Variants in SLC22A16 observed in about 807,000 individuals in gnomAD.
SLC22A16 encodes the protein solute carrier family 22 member 16.
In SLC22A16, 53 loss-of-function variants were observed where a neutral mutation model predicts 52.9. The observed-to-expected ratio is 1.00, with a 90% CI of 0.80 to 1.26. The LOEUF is 1.26. Among genes scored for constraint, SLC22A16 ranks in the 50% most tolerant of loss-of-function variants. SLC22A16 has a pLI of 0.00. For missense variants in SLC22A16, 726 were observed against 704.0 expected, an observed-to-expected ratio of 1.03 and a Z score of -0.35; for synonymous variants, 291 against 268.8, an observed-to-expected ratio of 1.08 and a Z score of -0.81.
At position 110,458,797 on chromosome 6, in the gene SLC22A16, T is replaced by C. The variant is rs577501497; in HGVS notation, c.54-1780A>G. 3.3e-5 allele frequency among the ~76,000 whole-genome samples: 5 copies of C among 152,312 alleles called. No homozygotes were observed. In the South Asian group the frequency reaches 1.0e-3, roughly 32 times the overall value. On this transcript the variant is annotated intron_variant, in intron 1 of 7. Coordinates refer to ENST00000368919, the MANE Select transcript of SLC22A16 (RefSeq NM_033125.4). The stretch of plus-strand genomic sequence containing the variant: ...CTCTGCATGAGCTGGGACATCCATA[T>C]TCTCTGGTTCTCAAATATCAGAGCT...
intron 5 of SLC22A16, among the ~76,000 whole-genome samples, chr6:110,438,310 T>A (rs1774815447): frequency 6.6e-6 from 1 of 152,112 alleles, no homozygotes; most frequent in African/African-American, 2.4e-5. Context: ...GAATTAGGAT[T>A]ATGAACTTTT....
At chr6:110,426,919 C>T (rs1774279709) in intron 7 of SLC22A16, among the ~76,000 whole-genome samples, 1 of 151,486 alleles carries the variant, frequency 6.6e-6, no homozygotes, top group Admixed American at 6.6e-5. Flanking sequence ...CACTGAACTC[C>T]AGCCTGGGCA....
intron 1 of SLC22A16, among the ~76,000 whole-genome samples, chr6:110,460,164 C>G (rs900080595): frequency 6.6e-6 from 1 of 152,172 alleles, no homozygotes; most frequent in Admixed American, 6.5e-5. Flanking sequence ...GACCTGCCCA[C>G]CCCGCTGCAT....
intron 1 of SLC22A16, chr6:110,476,273 C>A: frequency 8.1e-7 from 1 of 1,234,658 alleles, no homozygotes. Context: ...CCCTCCTGCC[C>A]GGCAACAGGC....
rs190461723 is a variant in SLC22A16 at position 110,470,332 on chromosome 6, G to A, written c.53+6190C>T. Among the ~76,000 whole-genome samples the A allele has an allele frequency of 3.3e-5, 5 of 152,136 alleles. No individual in the cohort carries two copies. The East Asian group carries it at 5.8e-4, about 18-fold the overall frequency. On this transcript the variant is annotated intron_variant, in intron 1 of 7. Transcript: ENST00000368919. The stretch of plus-strand genomic sequence containing the variant: ...TCCCTGAAATTTCAACTCAGCAAAC[G>A]ACAACACAGCCCCTGCAAACAGCAG...
In SLC22A16 at chr6:110,456,997, A is replaced by T; in HGVS notation, c.74T>A (p.Phe25Tyr). The change falls in exon 2 of 8, where the codon TTC becomes TAC. Residue 25 changes from phenylalanine to tyrosine, a missense_variant. Phe to Tyr is a conservative substitution (Grantham distance 22). Coordinates refer to ENST00000368919, the MANE Select transcript of SLC22A16 (RefSeq NM_033125.4). Reference protein sequence around the residue: ...HFGRFQRVLYFICAFQNISCG... With the variant: ...HFGRFQRVLYYICAFQNISCG... The stretch of plus-strand genomic sequence containing the variant: ...AGAGATGTTCTGGAAGGCACATATG[A>T]AATAGAGGACTCTCTGGAATCTGCA... The T allele has an allele frequency of 6.5e-7, 1 of 1,543,676 alleles. No homozygotes were observed. The highest frequency in any genetic ancestry group is 2.3e-5 in the East Asian group (1 of 44,208).
At position 110,435,903 on chromosome 6, in the gene SLC22A16, G is replaced by A. The variant is rs1774706712; in HGVS notation, c.1370C>T (p.Ala457Val). Residue 457 changes from alanine to valine, a missense_variant, in exon 6 of 8, where the codon GCA becomes GTA. Transcript: ENST00000368919. ...TGTATAAAGATAAATGAGGCCAAAT[G>A]CTGCCCCGATGGCAAATTTTCCAAC... is the stretch of plus-strand genomic sequence containing the variant. ...AMVGKFAIGAAFGLIYLYTAE... is the reference protein window; with the variant it reads ...AMVGKFAIGAVFGLIYLYTAE... 1 of 1,613,994 alleles carries A rather than the reference G, an allele frequency of 6.2e-7. No individual in the cohort carries two copies. Among genetic ancestry groups the A allele is most frequent in the African/African-American group, 1.3e-5 (1 of 75,042 alleles).
At chr6:110,429,897 G>A (rs1408125762) in intron 7 of SLC22A16, among the ~76,000 whole-genome samples, 1 of 152,106 alleles carries the variant, frequency 6.6e-6, no homozygotes, top group Non-Finnish European at 1.5e-5. Context: ...TGGCATGGAA[G>A]GGGAGGAGGT....
intron 1 of SLC22A16, among the ~76,000 whole-genome samples, chr6:110,459,400 CT>C (rs1405954253): frequency 6.6e-6 from 1 of 152,152 alleles, no homozygotes; most frequent in Non-Finnish European, 1.5e-5. Context: ...CACTTCATCT[CT>C]GTTGTTGTCT....
At position 110,476,317 on chromosome 6, in the gene SLC22A16, A is replaced by G. The variant is rs1353121461; in HGVS notation, c.53+205T>C. The G allele has an allele frequency of 2.9e-6, 4 of 1,371,306 alleles. No individual in the cohort carries two copies. The African/African-American group carries it at 4.5e-5, about 15-fold the overall frequency. 84.9% of individuals were successfully genotyped at this position (1,371,306 alleles called of 1,614,324 possible). A position where few individuals can be genotyped will look rare whatever the true frequency, so the allele number is the denominator to read the frequency against. ...AGCGAGCCCAGCGCCTCTGCTCACC[A>G]TGCCAGGTCCCGCTGCCAGAGGCCT... On this transcript the variant is annotated intron_variant, in intron 1 of 7. Transcript: ENST00000368919.
At chr6:110,445,314 T>A (rs1319996250) in intron 3 of SLC22A16, among the ~76,000 whole-genome samples, 1 of 152,060 alleles carries the variant, frequency 6.6e-6, no homozygotes, top group Non-Finnish European at 1.5e-5. Context: ...CTCTCACCCA[T>A]CCCTCACAGT....
rs776554673 is a variant in SLC22A16 at position 110,456,980 on chromosome 6, T to C, written c.91A>G (p.Asn31Asp). The C allele has an allele frequency of 3.2e-6, 5 of 1,565,418 alleles. No homozygotes were observed. Among genetic ancestry groups the C allele is most frequent in the Non-Finnish European group, 4.3e-6 (5 of 1,157,598 alleles). Residue 31 changes from asparagine (N) to aspartate (D), a missense_variant, in exon 2 of 8, where the codon AAC becomes GAC. Coordinates refer to ENST00000368919, the MANE Select transcript of SLC22A16 (RefSeq NM_033125.4). The part of the protein sequence containing the change: ...RVLYFICAFQ[N>D]ISCGIHYLAS... Reference sequence around the variant, plus strand: ...AAGTAGTGAATACCACAAGAGATGTTCTGGAAGGCACATATGAAATAGAGG... The same window carrying C: ...AAGTAGTGAATACCACAAGAGATGTCCTGGAAGGCACATATGAAATAGAGG...
intron 4 of SLC22A16, 143 bp from the exon 5 acceptor site, chr6:110,438,990 G>C: frequency 2.0e-6 from 2 of 1,005,110 alleles, no homozygotes; most frequent in South Asian, 1.8e-5. Context: ...GAATTGCTGC[G>C]AGGCAGCCAG....
intron 6 of SLC22A16, among the ~76,000 whole-genome samples, chr6:110,433,098 C>A (rs1212930031): frequency 6.6e-6 from 1 of 152,042 alleles, no homozygotes; most frequent in Non-Finnish European, 1.5e-5. Context: ...CGAGAGTGGT[C>A]TAATAATAGC....
chr6:110,426,254 C>G (rs375514982), intron 7 of SLC22A16, among the ~76,000 whole-genome samples: 7 of 151,994 alleles, frequency 4.6e-5, no homozygotes, highest in Non-Finnish European at 7.4e-5. Context: ...TCTAGAAACC[C>G]CAGAAGAGCC....
intron 2 of SLC22A16, among the ~76,000 whole-genome samples, chr6:110,453,265 T>C (rs1273325608): frequency 6.6e-6 from 1 of 152,216 alleles, no homozygotes; most frequent in Non-Finnish European, 1.5e-5. Context: ...TTGAAGTCTT[T>C]GTGCAGAAGT....
rs988581939 is a variant in SLC22A16 at position 110,476,328 on chromosome 6, C to A, written c.53+194G>T. On this transcript the variant is annotated intron_variant, in intron 1 of 7. Coordinates refer to ENST00000368919, the MANE Select transcript of SLC22A16 (RefSeq NM_033125.4). ...CGCCTCTGCTCACCATGCCAGGTCCCGCTGCCAGAGGCCTAGAGGAGAAGC... is the reference window on the plus strand; with the variant it reads ...CGCCTCTGCTCACCATGCCAGGTCCAGCTGCCAGAGGCCTAGAGGAGAAGC... 66 of 1,377,426 alleles carry A rather than the reference C, an allele frequency of 4.8e-5. 1 individual carries two copies. In the East Asian group the frequency reaches 1.7e-3, roughly 36 times the overall value. 85.3% of individuals were successfully genotyped at this position (1,377,426 alleles called of 1,614,324 possible).
chr6:110,427,247 CAAA>C (rs71018390), intron 7 of SLC22A16, among the ~76,000 whole-genome samples: 3 of 60,588 alleles, frequency 5.0e-5, no homozygotes, highest in Admixed American at 3.9e-4. Flanking sequence ...GACCCAATCT[CAAA>C]AAAAAAAAAA....
At chr6:110,439,415 T>C (rs1317876724) in intron 4 of SLC22A16, among the ~76,000 whole-genome samples, 2 of 152,214 alleles carry the variant, frequency 1.3e-5, no homozygotes, top group African/African-American at 2.4e-5. Flanking sequence ...GTTCTAGGGA[T>C]ACTGCACCAT....
Sources: gnomAD v4.1 joint callset for allele counts (sites outside exome capture counted in the v4.1 genomes callset) on GRCh38, gnomAD v4.1.1 for gene constraint, MANE v1.5 for transcripts, NCBI Gene and HGNC (gene_info 2026-07-23, HGNC 2026-07-21) for gene names.